The following ZFAND6 variants were observed in gnomAD, a reference collection of about 807,000 sequenced individuals.
ZFAND6 encodes the protein AN1-type zinc finger protein 6.
A neutral mutation model predicts 24.5 loss-of-function variants in ZFAND6; 12 were observed. The ratio of observed to expected loss-of-function variants is 0.49; its 90% CI spans 0.31 to 0.79. The LOEUF (loss-of-function observed/expected upper bound fraction) is 0.79, where lower values mean the gene tolerates loss of function less well. ZFAND6 is among the 30% of genes least tolerant of loss of function. The pLI is 0.04. For missense variants in ZFAND6, 207 were observed against 245.9 expected, an observed-to-expected ratio of 0.84 and a Z score of 1.06; for synonymous variants, 92 against 81.5, an observed-to-expected ratio of 1.13 and a Z score of -0.69.
chr15:80,070,547 A>G (rs1282586886), intron 1 of ZFAND6, among the ~76,000 whole-genome samples: 2 of 152,204 alleles, frequency 1.3e-5, no homozygotes, highest in Non-Finnish European at 2.9e-5. Context: ...TAAAATGGTA[A>G]TCATCTTGAT....
At chr15:80,120,295 CTG>C (rs2040090140) in intron 2 of ZFAND6, 31 bp from the exon 3 acceptor site, 8 of 1,449,458 alleles carry the variant, frequency 5.5e-6, no homozygotes, top group Non-Finnish European at 7.3e-6. Flanking sequence ...AGTTACGTGT[CTG>C]AGTTCTTTGC....
At chr15:80,124,633 C>T (rs1263302701) in intron 5 of ZFAND6, among the ~76,000 whole-genome samples, 1 of 152,090 alleles carries the variant, frequency 6.6e-6, no homozygotes, top group Non-Finnish European at 1.5e-5. Flanking sequence ...ATACCGTTTT[C>T]TCCACTTAGC....
At chr15:80,107,426 T>C (rs75711821) in intron 2 of ZFAND6, among the ~76,000 whole-genome samples, 5,170 of 152,304 alleles carry the variant, frequency 0.034, 282 homozygotes, top group East Asian at 0.22. Flanking sequence ...GGTGCCGCTG[T>C]CTTGATGGCA....
At chr15:80,065,263 A>T (rs1048444774) in intron 1 of ZFAND6, among the ~76,000 whole-genome samples, 1 of 140,500 alleles carries the variant, frequency 7.1e-6, no homozygotes, top group African/African-American at 2.7e-5. Flanking sequence ...TGGCCCCACT[A>T]AAAAAAAAAA....
intron 2 of ZFAND6, among the ~76,000 whole-genome samples, chr15:80,105,648 T>C (rs910922342): frequency 3.9e-5 from 6 of 152,236 alleles, no homozygotes; most frequent in African/African-American, 1.4e-4. Context: ...TACTTCAGGC[T>C]AAGCACTTAT....
chr15:80,083,297 T>TA (rs1180471286), intron 1 of ZFAND6, among the ~76,000 whole-genome samples: 6 of 152,084 alleles, frequency 3.9e-5, no homozygotes, highest in Non-Finnish European at 7.4e-5. Context: ...GGCCTATACA[T>TA]ACGTTATTTT....
intron 2 of ZFAND6, among the ~76,000 whole-genome samples, chr15:80,103,036 G>A (rs2039121231): frequency 6.6e-6 from 1 of 152,164 alleles, no homozygotes; most frequent in Non-Finnish European, 1.5e-5. Context: ...AGGTTCATCG[G>A]GTCAGTGTTC....
rs756797091 is a variant in ZFAND6, at chr15:80,120,452, A to T, written c.108A>T (p.Glu36Asp). ...TNGMCSVCYK[E>D]HLQRQNSSNG... ...GCATGTGTTCAGTATGCTATAAAGA[A>T]CATCTTCAAAGACAGAATAGTAGTA... The change falls in exon 3 of 7, where the codon GAA (glutamate) becomes GAT (aspartate). Residue 36 changes from glutamate to aspartate, a missense_variant. By Grantham distance (45) the Glu-to-Asp change is conservative (BLOSUM62 2). Around this residue, in one of 3 missense-constraint regions of ZFAND6, gnomAD observed 29 missense variants for 55.4 expected, o/e 0.52. Coordinates refer to ENST00000261749, the MANE Select transcript of ZFAND6 (RefSeq NM_019006.4). 9.4e-6 allele frequency: 15 copies of T among 1,594,296 alleles called. No individual in the cohort carries two copies. Among genetic ancestry groups the T allele is most frequent in the Non-Finnish European group, 1.3e-5 (15 of 1,167,738 alleles).
rs567162071 is a variant in ZFAND6, at chr15:80,137,745, T to C, written c.*117T>C. 32 of 1,140,928 alleles carry C rather than the reference T, an allele frequency of 2.8e-5. No individual in the cohort carries two copies. The highest frequency in any genetic ancestry group is 9.7e-5 in the African/African-American group (6 of 61,910). The allele number at this position is 1,140,928 out of a possible 1,614,324, so 70.7% of individuals were successfully genotyped here. A position where few individuals can be genotyped will look rare whatever the true frequency, so the allele number is the denominator to read the frequency against. On this transcript the variant is annotated 3_prime_UTR_variant, in exon 7 of 7. Coordinates refer to ENST00000261749, the MANE Select transcript of ZFAND6 (RefSeq NM_019006.4). ...TGTATCTTGCATGTCATCGGAAGAA[T>C]AGATTTTTGTTTTGGTTTTGTTTTG...
At position 80,138,242 on chromosome 15, in the gene ZFAND6, C is replaced by T. The variant is rs186689879; in HGVS notation, c.*614C>T. On this transcript the variant is annotated 3_prime_UTR_variant, in exon 7 of 7. Coordinates refer to ENST00000261749, the MANE Select transcript of ZFAND6 (RefSeq NM_019006.4). ...GAGCGAGGGAAGAAAAAGCTGTATG[C>T]ATTTCATTGCTGTCTACAGGTTTCT... 1 of 152,700 alleles carries T rather than the reference C, an allele frequency of 6.5e-6. No homozygotes were observed. The highest frequency in any genetic ancestry group is 1.5e-5 in the Non-Finnish European group (1 of 68,024). 9.5% of individuals were successfully genotyped at this position (152,700 alleles called of 1,614,324 possible).
At chr15:80,082,952 C>G (rs1432063405) in intron 1 of ZFAND6, among the ~76,000 whole-genome samples, 4 of 152,092 alleles carry the variant, frequency 2.6e-5, no homozygotes, top group Non-Finnish European at 5.9e-5. Context: ...GTGGACTGAG[C>G]ACCTACTATG....
At chr15:80,090,703 A>G (rs1373761009) in intron 1 of ZFAND6, among the ~76,000 whole-genome samples, 1 of 152,178 alleles carries the variant, frequency 6.6e-6, no homozygotes, top group East Asian at 1.9e-4. Context: ...AGAAAGAGTC[A>G]TATTTGGGGG....
intron 1 of ZFAND6, 84 bp downstream of exon 1, chr15:80,059,893 G>A (rs1014926518): frequency 1.9e-4 from 29 of 151,238 alleles, no homozygotes; most frequent in Non-Finnish European, 3.1e-4. Context: ...GCTGCAGCTA[G>A]GCGAGGCCCG....
At chr15:80,089,787 A>G (rs1013050274) in intron 1 of ZFAND6, among the ~76,000 whole-genome samples, 1 of 151,964 alleles carries the variant, frequency 6.6e-6, no homozygotes, top group Non-Finnish European at 1.5e-5. Context: ...GGATGCTTGA[A>G]CTATGTTTTC....
intron 3 of ZFAND6, among the ~76,000 whole-genome samples, chr15:80,120,995 C>A (rs576242172): frequency 1.4e-4 from 21 of 152,210 alleles, no homozygotes; most frequent in Non-Finnish European, 1.2e-4. Flanking sequence ...CTTTTTGTGT[C>A]AAAGGATATT....
intron 1 of ZFAND6, among the ~76,000 whole-genome samples, chr15:80,086,069 C>T (rs917094650): frequency 1.3e-5 from 2 of 152,094 alleles, no homozygotes; most frequent in Non-Finnish European, 2.9e-5. Context: ...GGAGTTTCAA[C>T]CTCTTGTTGC....
At chr15:80,073,170 A>G (rs1015271902) in intron 1 of ZFAND6, 1 of 177,512 alleles carries the variant, frequency 5.6e-6, no homozygotes, top group African/African-American at 2.4e-5. Context: ...TAATATGCTT[A>G]TAATTTTTAA....
intron 1 of ZFAND6, among the ~76,000 whole-genome samples, chr15:80,082,340 T>C (rs2037721579): frequency 6.6e-6 from 1 of 152,234 alleles, no homozygotes; most frequent in South Asian, 2.1e-4. Flanking sequence ...TCGCAGATGA[T>C]AATGCTAAGT....
chr15:80,129,608 T>C (rs911029488), intron 5 of ZFAND6: 1 of 152,222 alleles, frequency 6.6e-6, no homozygotes, highest in Non-Finnish European at 1.5e-5. Flanking sequence ...TATTGTCGAA[T>C]GTCTGCTATG....
Sources: gnomAD v4.1 joint callset for allele counts (sites outside exome capture counted in the v4.1 genomes callset) on GRCh38, gnomAD v4.1.1 for gene constraint, gnomAD v4.1.1 regional missense constraint, MANE v1.5 for transcripts, NCBI Gene and HGNC (gene_info 2026-07-23, HGNC 2026-07-21) for gene names.